S100A8: variants seen among roughly 807,000 people sequenced by gnomAD.
The protein encoded by S100A8 is protein S100-A8.
Under a neutral mutation model 4.2 loss-of-function variants are expected in S100A8, and 1 was observed. The ratio of observed to expected loss-of-function variants is 0.24; its 90% confidence interval spans 0.08 to 1.12. S100A8 has a LOEUF of 1.12. Among genes scored for constraint, S100A8 ranks in the 50% most tolerant of loss-of-function variants. S100A8 has a pLI of 0.53. For synonymous variants in S100A8, 41 were observed against 44.7 expected, an observed-to-expected ratio of 0.92 and a Z score of 0.33; for missense variants, 96 against 111.8, an observed-to-expected ratio of 0.86 and a Z score of 0.64.
chr1:153,393,068 C>G (rs1662138400), upstream of S100A8, among the ~76,000 whole-genome samples: 1 of 152,168 alleles, frequency 6.6e-6, no homozygotes, highest in Admixed American at 6.5e-5. Flanking sequence ...AAACTAAGCC[C>G]CACAGAGAGA....
At chr1:153,410,551 A>G in the S100A8 span, among the ~76,000 whole-genome samples, 1 of 152,262 alleles carries the variant, frequency 6.6e-6, no homozygotes, top group Non-Finnish European at 1.5e-5. Context: ...TACCAGAGCT[A>G]CAAAGAGGAA....
chr1:153,421,739 A>G, the S100A8 span: 1 of 152,234 alleles, frequency 6.6e-6, no homozygotes, highest in Non-Finnish European at 1.5e-5. Context: ...CCTTCAATCC[A>G]TCGCTACAGT....
the S100A8 span, among the ~76,000 whole-genome samples, chr1:153,416,986 T>G: frequency 0.014 from 2,183 of 151,832 alleles, 55 homozygotes; most frequent in African/African-American, 0.05. Flanking sequence ...CCCCAGGCCT[T>G]GGACCTGTAA....
At chr1:153,419,584 C>A in the S100A8 span, 1 of 434,816 alleles carries the variant, frequency 2.3e-6, no homozygotes, top group Middle Eastern at 6.1e-4. Context: ...CTAAATGCAG[C>A]CACCTTGGCA....
chr1:153,416,097 A>T, the S100A8 span, among the ~76,000 whole-genome samples: 1 of 152,238 alleles, frequency 6.6e-6, no homozygotes, highest in African/African-American at 2.4e-5. Context: ...TCTAGACATT[A>T]AAACGCTCAG....
chr1:153,393,963 G>T (rs142219331), upstream of S100A8, among the ~76,000 whole-genome samples: 12 of 152,158 alleles, frequency 7.9e-5, no homozygotes, highest in East Asian at 2.1e-3. Context: ...GTGAAATGTC[G>T]CCCCCTCCCC....
the S100A8 span, among the ~76,000 whole-genome samples, chr1:153,409,221 T>C: frequency 1.3e-5 from 2 of 152,130 alleles, no homozygotes; most frequent in Non-Finnish European, 2.9e-5. Flanking sequence ...GTGTGCTGTA[T>C]TCAGGAGACC....
chr1:153,398,323 A>G, the S100A8 span, among the ~76,000 whole-genome samples: 409 of 152,134 alleles, frequency 2.7e-3, 2 homozygotes, highest in African/African-American at 9.4e-3. Context: ...GGTCTGAGAG[A>G]CTCTGGGGAT....
chr1:153,420,436 A>G, the S100A8 span: 1 of 152,238 alleles, frequency 6.6e-6, no homozygotes, highest in Non-Finnish European at 1.5e-5. Context: ...TACTCTGGTC[A>G]GTCTCCAGCT....
At chr1:153,395,041 C>A (rs1460748056), upstream of S100A8, among the ~76,000 whole-genome samples, 1 of 152,020 alleles carries the variant, frequency 6.6e-6, no homozygotes, top group Non-Finnish European at 1.5e-5. Context: ...TCCCTAGAGT[C>A]CCAGGGGAGA....
chr1:153,395,257 C>T (rs930223556), upstream of S100A8, among the ~76,000 whole-genome samples: 5 of 152,178 alleles, frequency 3.3e-5, no homozygotes, highest in Non-Finnish European at 7.3e-5. Flanking sequence ...CCAGGTTCTA[C>T]TCATTGCTCT....
At chr1:153,412,108 G>A in the S100A8 span, among the ~76,000 whole-genome samples, 2 of 152,158 alleles carry the variant, frequency 1.3e-5, no homozygotes, top group Non-Finnish European at 2.9e-5. Context: ...AAAAGCAATG[G>A]CAACAAAAGC....
the S100A8 span, among the ~76,000 whole-genome samples, chr1:153,410,946 C>T: frequency 8.5e-5 from 13 of 152,090 alleles, 1 homozygote; most frequent in Non-Finnish European, 1.5e-5. Flanking sequence ...ATGCTAAAAA[C>T]TCTCAATAAA....
chr1:153,405,907 T>G, the S100A8 span, among the ~76,000 whole-genome samples: 2 of 122,464 alleles, frequency 1.6e-5, no homozygotes, highest in Non-Finnish European at 3.8e-5. Context: ...TAACCTCTTG[T>G]GAATGCTGCA....
chr1:153,407,013 A>C, the S100A8 span, among the ~76,000 whole-genome samples: 1 of 152,246 alleles, frequency 6.6e-6, no homozygotes, highest in African/African-American at 2.4e-5. Flanking sequence ...AGATGGCCGA[A>C]TAGGAACAGC....
chr1:153,412,581 C>A, the S100A8 span, among the ~76,000 whole-genome samples: 8 of 152,288 alleles, frequency 5.3e-5, no homozygotes, highest in East Asian at 1.5e-3. Flanking sequence ...GGCGATTCCT[C>A]AAGGATCTAG....
At chr1:153,405,709 T>TCC in the S100A8 span, among the ~76,000 whole-genome samples, 1 of 152,160 alleles carries the variant, frequency 6.6e-6, no homozygotes, top group African/African-American at 2.4e-5. Context: ...ATTAAGCTTG[T>TCC]CCCCCACCTC....
the S100A8 span, among the ~76,000 whole-genome samples, chr1:153,401,937 G>A: frequency 0.012 from 1,812 of 152,010 alleles, 32 homozygotes; most frequent in African/African-American, 0.041. Context: ...TTATCTTTAG[G>A]ATTAGAGCAA....
upstream of S100A8, among the ~76,000 whole-genome samples, chr1:153,392,853 ACCCAGCACAGTG>A (rs1456645901): frequency 5.9e-5 from 9 of 152,296 alleles, no homozygotes; most frequent in South Asian, 1.9e-3. Context: ...GCCATTGGGG[ACCCAGCACAGTG>A]CCCAGCACAC....
Sources: gnomAD v4.1 joint callset for allele counts (sites outside exome capture counted in the v4.1 genomes callset) on GRCh38, gnomAD v4.1.1 for gene constraint, MANE v1.5 for transcripts, NCBI Gene and HGNC (gene_info 2026-07-23, HGNC 2026-07-21) for gene names.